Variants in RCAN1 observed in about 807,000 individuals in gnomAD.
The protein encoded by RCAN1 is calcipressin-1.
Under a neutral mutation model 22.9 loss-of-function variants are expected in RCAN1, and 11 were observed. The observed-to-expected ratio is 0.48, with a 90% confidence interval of 0.30 to 0.79. The LOEUF (loss-of-function observed/expected upper bound fraction) is 0.79, where lower values mean the gene tolerates loss of function less well. Ranked by LOEUF, RCAN1 falls within the 30% of genes least tolerant of loss-of-function variation. RCAN1 has a pLI of 0.06. For missense variants in RCAN1, 291 were observed against 337.8 expected (o/e 0.86, Z 1.09); for synonymous variants, 136 against 142.3 (o/e 0.96, Z 0.32).
intron 1 of RCAN1, among the ~76,000 whole-genome samples, chr21:34,573,149 AG>A (rs1987291252): frequency 6.6e-6 from 1 of 152,210 alleles, no homozygotes; most frequent in South Asian, 2.1e-4. Context: ...CAGTGATCAA[AG>A]GATGCTTTTT....
chr21:34,520,980 G>T, intron 3 of RCAN1: 1 of 744,398 alleles, frequency 1.3e-6, no homozygotes, highest in Non-Finnish European at 1.7e-6. Flanking sequence ...CCAGCCCACA[G>T]GCCCTGGGGT....
intron 1 of RCAN1, among the ~76,000 whole-genome samples, chr21:34,549,289 G>A (rs1986270777): frequency 6.6e-6 from 1 of 152,176 alleles, no homozygotes; most frequent in Admixed American, 6.5e-5. Context: ...GGCAGCCTCG[G>A]TTCAAAAATG....
At position 34,614,398 on chromosome 21, in the gene RCAN1, C is replaced by T; in HGVS notation, c.252+362G>A. On this transcript the variant is annotated intron_variant, in intron 1 of 3. Coordinates refer to ENST00000313806, the MANE Select transcript of RCAN1 (RefSeq NM_004414.7). This position sits in a 1 kb window ranked among gnomAD's most constrained non-coding sequence, Gnocchi z 6.0. ...TTCCTCCTCCCTAGGAATGAGGTGA[C>T]CCCCTCCTCCAGCGAGTAAATGCGG... 1.0e-6 allele frequency: 1 copy of T among 997,054 alleles called. No homozygotes were observed. The highest frequency in any genetic ancestry group is 1.2e-6 in the Non-Finnish European group (1 of 837,728). 61.8% of individuals were successfully genotyped at this position (997,054 alleles called of 1,614,324 possible).
At chr21:34,552,472 A>C (rs2123648248) in intron 1 of RCAN1, among the ~76,000 whole-genome samples, 1 of 152,302 alleles carries the variant, frequency 6.6e-6, no homozygotes, top group East Asian at 1.9e-4. Context: ...CTCCATAGGA[A>C]CCCTGCCAGG....
chr21:34,521,915 C>T (rs111389991), intron 2 of RCAN1: 10 of 475,486 alleles, frequency 2.1e-5, no homozygotes, highest in African/African-American at 7.8e-5. Flanking sequence ...CAAATAATTA[C>T]GCTTGACCTA....
chr21:34,533,408 ATGATTT>A (rs1352934634), intron 1 of RCAN1, among the ~76,000 whole-genome samples: 2 of 152,174 alleles, frequency 1.3e-5, no homozygotes, highest in Non-Finnish European at 2.9e-5. Context: ...AAAAGCAATT[ATGATTT>A]TATTTCCCCC....
chr21:34,518,111 C>T lies in RCAN1; in HGVS notation c.732G>A (p.Pro244=), dbSNP rs59601528. 0.068 allele frequency: 110,327 copies of T among 1,614,056 alleles called. 7,229 individuals are homozygous for T. Among genetic ancestry groups the T allele is most frequent in the East Asian group, 0.37 (16,524 of 44,856 alleles). ...AGCTGAGGTGGATCGGCGTGTACTC[C>T]GGCCTCCTGGTCTGGATAATTTTTG... The part of the protein sequence containing the change: ...PKPKIIQTRR[P]EYTPIHLS The change falls in exon 4 of 4, where the codon CCG becomes CCA. Residue 244 remains proline (P), a synonymous_variant. Transcript: ENST00000313806. This position sits in a 1 kb window ranked among gnomAD's most constrained non-coding sequence, Gnocchi z 4.2.
At chr21:34,521,156 C>T (rs1304093237) in intron 3 of RCAN1, 3 of 1,296,282 alleles carry the variant, frequency 2.3e-6, no homozygotes, top group Non-Finnish European at 2.9e-6. Context: ...TCCAATCACT[C>T]ATCCCTATCC....
chr21:34,568,443 G>A (rs1260121653), intron 1 of RCAN1, among the ~76,000 whole-genome samples: 2 of 152,182 alleles, frequency 1.3e-5, no homozygotes, highest in Non-Finnish European at 2.9e-5. Flanking sequence ...ACTTCACAAT[G>A]AAGTGAGCTT....
At chr21:34,548,893 G>A (rs1278586312) in intron 1 of RCAN1, among the ~76,000 whole-genome samples, 1 of 152,194 alleles carries the variant, frequency 6.6e-6, no homozygotes, top group Non-Finnish European at 1.5e-5. Context: ...AGCAATTAGA[G>A]AAAAATGCCT....
chr21:34,596,465 C>T (rs187825113), intron 1 of RCAN1, among the ~76,000 whole-genome samples: 110 of 152,284 alleles, frequency 7.2e-4, no homozygotes, highest in Non-Finnish European at 9.9e-4. Context: ...AGGGCTGTGG[C>T]TCCTGCATGA....
chr21:34,600,071 T>C (rs1988283727), intron 1 of RCAN1, among the ~76,000 whole-genome samples: 1 of 152,130 alleles, frequency 6.6e-6, no homozygotes, highest in Non-Finnish European at 1.5e-5. Flanking sequence ...CACGCTATGC[T>C]AAAGCCCCTC....
intron 1 of RCAN1, among the ~76,000 whole-genome samples, chr21:34,600,102 G>C (rs56973850): frequency 1.1e-3 from 162 of 152,240 alleles, no homozygotes; most frequent in African/African-American, 3.8e-3. Context: ...TCAGTCCCCT[G>C]GTACCTCCCT....
chr21:34,613,962 AC>A (rs1262840534), intron 1 of RCAN1: 7 of 888,272 alleles, frequency 7.9e-6, no homozygotes, highest in Non-Finnish European at 1.1e-5. Context: ...CACGTTGTCC[AC>A]ATTTTATTCT....
chr21:34,598,646 A>C (rs1000945777), intron 1 of RCAN1, among the ~76,000 whole-genome samples: 2 of 152,248 alleles, frequency 1.3e-5, no homozygotes, highest in African/African-American at 2.4e-5. Flanking sequence ...AGGAGAAAGG[A>C]AGGCAAAATT....
At chr21:34,589,146 T>C (rs1987892243) in intron 1 of RCAN1, among the ~76,000 whole-genome samples, 1 of 152,226 alleles carries the variant, frequency 6.6e-6, no homozygotes, top group Non-Finnish European at 1.5e-5. Flanking sequence ...GTAAAGATGG[T>C]AAATTTTAAG....
intron 1 of RCAN1, among the ~76,000 whole-genome samples, chr21:34,609,079 A>G (rs1313952338): frequency 6.6e-6 from 1 of 152,238 alleles, no homozygotes; most frequent in Non-Finnish European, 1.5e-5. Flanking sequence ...TTTACACAAC[A>G]TGAAGCCAAC....
At chr21:34,592,554 A>T in intron 1 of RCAN1, among the ~76,000 whole-genome samples, 1 of 152,134 alleles carries the variant, frequency 6.6e-6, no homozygotes, top group East Asian at 1.9e-4. Context: ...TTTTACCCTC[A>T]CAAATCCCTG....
intron 1 of RCAN1, among the ~76,000 whole-genome samples, chr21:34,530,616 G>GTTTTTTTTTTTTTTTTTTTTTTTT (rs59150851): frequency 1.5e-5 from 1 of 66,196 alleles, no homozygotes; most frequent in African/African-American, 5.4e-5. Context: ...TAGTGAAATA[G>GTTTTTTTTTTTTTTTTTTTTTTTT]TTTTTTTTTT....
Sources: gnomAD v4.1 joint callset for allele counts (sites outside exome capture counted in the v4.1 genomes callset) on GRCh38, gnomAD v4.1.1 for gene constraint, Gnocchi (gnomAD v3.1) non-coding constraint, MANE v1.5 for transcripts, NCBI Gene and HGNC (gene_info 2026-07-23, HGNC 2026-07-21) for gene names.